The following KCNC2 variants were observed in gnomAD, a reference collection of about 807,000 sequenced individuals.
KCNC2 encodes the protein potassium voltage-gated channel subfamily C member 2.
Under a neutral mutation model 44.5 loss-of-function variants are expected in KCNC2, and 21 were observed. The ratio of observed to expected loss-of-function variants is 0.47; its 90% CI spans 0.33 to 0.68. The LOEUF (loss-of-function observed/expected upper bound fraction) is 0.68, where lower values mean the gene tolerates loss of function less well. KCNC2 is among the 30% of genes least tolerant of loss of function. The pLI is 0.01. For missense variants in KCNC2, 589 were observed against 826.2 expected (o/e 0.71, Z 3.52); for synonymous variants, 391 against 339.1 (o/e 1.15, Z -1.68).
At chr12:75,148,667 C>T (rs757673309) in intron 2 of KCNC2, among the ~76,000 whole-genome samples, 9 of 151,880 alleles carry the variant, frequency 5.9e-5, no homozygotes, top group Non-Finnish European at 1.2e-4. Flanking sequence ...TTTTTGTTAA[C>T]CAAAAACATA....
intron 2 of KCNC2, among the ~76,000 whole-genome samples, chr12:75,086,676 AAAAAAATAT>A (rs1161435724): frequency 3.0e-4 from 10 of 33,506 alleles, no homozygotes; most frequent in Admixed American, 6.0e-4. Context: ...AAAAAAAAAA[AAAAAAATAT>A]ATATATATAT....
chr12:75,066,558 T>G (rs1356277838), intron 2 of KCNC2, among the ~76,000 whole-genome samples: 2 of 152,216 alleles, frequency 1.3e-5, no homozygotes, highest in Non-Finnish European at 2.9e-5. Context: ...ACTTTCCTAC[T>G]ACTGGGATGA....
intron 4 of KCNC2, among the ~76,000 whole-genome samples, chr12:75,044,041 A>G (rs546670231): frequency 6.6e-6 from 1 of 152,102 alleles, no homozygotes; most frequent in Admixed American, 6.6e-5. Context: ...TACAAAATAA[A>G]AGATGCTCTC....
intron 2 of KCNC2, among the ~76,000 whole-genome samples, chr12:75,178,797 C>T (rs1395973400): frequency 6.6e-6 from 1 of 152,000 alleles, no homozygotes; most frequent in Non-Finnish European, 1.5e-5. Context: ...TGCTTGCCAG[C>T]GTGGAGCAAG....
At chr12:75,119,044 T>C (rs1362552779) in intron 2 of KCNC2, among the ~76,000 whole-genome samples, 1 of 152,204 alleles carries the variant, frequency 6.6e-6, no homozygotes, top group Non-Finnish European at 1.5e-5. Context: ...TAAATCATAG[T>C]GGGACACTGA....
At chr12:75,043,843 A>G (rs1880190298) in intron 4 of KCNC2, 3 of 1,212,330 alleles carry the variant, frequency 2.5e-6, no homozygotes, top group Admixed American at 2.6e-5. Flanking sequence ...GGAAAAAAAA[A>G]GAAAATGAAT....
intron 2 of KCNC2, among the ~76,000 whole-genome samples, chr12:75,186,955 G>A (rs1286786671): frequency 2.0e-5 from 3 of 152,072 alleles, no homozygotes; most frequent in Admixed American, 1.3e-4. Flanking sequence ...CTTTTTATTA[G>A]CCATCTTAAC....
In KCNC2 at chr12:75,154,195, TA is replaced by T. The variant is rs542381170; in HGVS notation, c.687+53101del. Among the ~76,000 whole-genome samples, 55 of 152,140 alleles carry T rather than the reference TA, an allele frequency of 3.6e-4. 1 individual carries two copies. Among genetic ancestry groups the T allele is most frequent in the African/African-American group, 1.2e-3 (49 of 41,542 alleles). On this transcript the variant is annotated intron_variant, in intron 2 of 4. Coordinates refer to ENST00000549446, the MANE Select transcript of KCNC2 (RefSeq NM_139137.4). ...AGAGCATGCTGAAGTAGATGACCCC[TA>T]GGGGGTCCCTCCTGTCTCTGATATT...
intron 2 of KCNC2, among the ~76,000 whole-genome samples, chr12:75,131,042 A>G (rs1250438091): frequency 6.6e-6 from 1 of 152,156 alleles, no homozygotes; most frequent in Non-Finnish European, 1.5e-5. Context: ...GAGGCTTGGG[A>G]GTAGTCATGG....
At chr12:75,208,469 C>T (rs1039727752) in intron 1 of KCNC2, among the ~76,000 whole-genome samples, 1 of 151,510 alleles carries the variant, frequency 6.6e-6, no homozygotes, top group African/African-American at 2.4e-5. Context: ...CTCTCATTCC[C>T]ACTCTCCAAG....
At chr12:75,104,411 C>T (rs1176077746) in intron 2 of KCNC2, among the ~76,000 whole-genome samples, 3 of 151,938 alleles carry the variant, frequency 2.0e-5, no homozygotes, top group African/African-American at 7.3e-5. Flanking sequence ...ATTTTCAGGC[C>T]ACAAACCACT....
chr12:75,183,929 C>T (rs1315310352), intron 2 of KCNC2, among the ~76,000 whole-genome samples: 1 of 152,136 alleles, frequency 6.6e-6, no homozygotes, highest in African/African-American at 2.4e-5. Context: ...GGAGTTCCAG[C>T]ATTACTCAAC....
chr12:75,130,768 G>A (rs1377675661), intron 2 of KCNC2, among the ~76,000 whole-genome samples: 1 of 147,094 alleles, frequency 6.8e-6, no homozygotes, highest in Admixed American at 6.7e-5. Flanking sequence ...TATTGTGAAA[G>A]GACTCCTAGT....
intron 2 of KCNC2, among the ~76,000 whole-genome samples, chr12:75,092,080 C>T (rs1277314794): frequency 6.6e-6 from 1 of 151,548 alleles, no homozygotes; most frequent in Non-Finnish European, 1.5e-5. Context: ...ACCTGAGATG[C>T]TTGATTGAAA....
chr12:75,085,215 A>G (rs1884896405), intron 2 of KCNC2, among the ~76,000 whole-genome samples: 1 of 152,036 alleles, frequency 6.6e-6, no homozygotes, highest in South Asian at 2.1e-4. Flanking sequence ...TGTCTAAATT[A>G]GTGGATTTCA....
intron 4 of KCNC2, among the ~76,000 whole-genome samples, chr12:75,047,594 G>T (rs976096087): frequency 1.3e-4 from 20 of 152,028 alleles, no homozygotes; most frequent in African/African-American, 4.8e-4. Context: ...GCTTTGAAGT[G>T]ATTAGACATA....
intron 2 of KCNC2, among the ~76,000 whole-genome samples, chr12:75,139,427 G>A (rs1760461819): frequency 1.3e-5 from 2 of 152,224 alleles, no homozygotes; most frequent in African/African-American, 4.8e-5. Flanking sequence ...ACAGCAGCGA[G>A]TGAAATAACA....
intron 2 of KCNC2, among the ~76,000 whole-genome samples, chr12:75,085,543 G>A (rs1884927696): frequency 6.6e-6 from 1 of 152,046 alleles, no homozygotes; most frequent in Non-Finnish European, 1.5e-5. Flanking sequence ...CTACAATTAG[G>A]AAGCGGCAGA....
At chr12:75,078,514 T>C (rs958560680) in intron 2 of KCNC2, among the ~76,000 whole-genome samples, 3 of 152,186 alleles carry the variant, frequency 2.0e-5, no homozygotes, top group Non-Finnish European at 4.4e-5. Context: ...TCCATCATAA[T>C]AGTCAACATT....
Sources: allele counts gnomAD v4.1 joint callset (sites outside exome capture counted in the v4.1 genomes callset), GRCh38; gene constraint gnomAD v4.1.1; transcripts MANE v1.5; gene names NCBI Gene and HGNC (gene_info 2026-07-23, HGNC 2026-07-21).